INTS14: variants seen among roughly 807,000 people sequenced by gnomAD.
The protein encoded by INTS14 is integrator complex subunit 14, also known as UPF0464 protein C15orf44.
Under a neutral mutation model 56.9 loss-of-function variants are expected in INTS14, and 27 were observed. The ratio of observed to expected loss-of-function variants is 0.47; its 90% CI spans 0.35 to 0.65. The LOEUF (loss-of-function observed/expected upper bound fraction) is 0.65, where lower values mean the gene tolerates loss of function less well. Ranked by LOEUF, INTS14 falls within the 30% of genes least tolerant of loss-of-function variation. INTS14 has a pLI of 0.00. For synonymous variants in INTS14, 207 were observed against 236.2 expected, an observed-to-expected ratio of 0.88 and a Z score of 1.13; for missense variants, 517 against 632.2, an observed-to-expected ratio of 0.82 and a Z score of 1.95.
Position 65,579,424 on chromosome 15 carries a change from C to T in INTS14, c.1541G>A (p.Ser514Asn). The T allele has an allele frequency of 3.1e-6, 5 of 1,611,368 alleles. No homozygotes were observed. The highest frequency in any genetic ancestry group is 3.4e-6 in the Non-Finnish European group (4 of 1,177,690). The change falls in exon 12 of 12, where the codon AGC becomes AAC. Residue 514 changes from serine (S) to asparagine (N), a missense_variant. Coordinates refer to ENST00000313182, the MANE Select transcript of INTS14 (RefSeq NM_001394796.1). ...AAGTCAGTTTCAAATTCTTTCAGTG[C>T]TGCTCCCAGAGAAGTCCGTGTGCAA... The part of the protein sequence containing the change: ...TPLHTDFSGS[S>N]TERI
chr15:65,593,371 TCA>T, intron 8 of INTS14, 55 bp downstream of exon 8: 1 of 1,566,106 alleles, frequency 6.4e-7, no homozygotes, highest in South Asian at 1.2e-5. Flanking sequence ...GCAAAATACT[TCA>T]CTTTGTAAAA....
intron 11 of INTS14, among the ~76,000 whole-genome samples, chr15:65,581,255 C>T (rs1348580912): frequency 6.7e-6 from 1 of 149,966 alleles, no homozygotes; most frequent in African/African-American, 2.5e-5. Context: ...TGGCACACAC[C>T]TGTAATCCCA....
intron 1 of INTS14, 139 bp downstream of exon 1, chr15:65,610,959 C>T (rs2073911081): frequency 1.1e-5 from 17 of 1,480,530 alleles, no homozygotes; most frequent in Non-Finnish European, 1.5e-5. Context: ...ACTGGCGCCT[C>T]ACAGACAGCG....
At chr15:65,586,667 AAGAT>A (rs2072836289) in intron 9 of INTS14, 1 of 152,214 alleles carries the variant, frequency 6.6e-6, no homozygotes, top group Non-Finnish European at 1.5e-5. Flanking sequence ...AAATTTTAAA[AAGAT>A]AGTATAAACA....
intron 5 of INTS14, 162 bp downstream of exon 5, chr15:65,598,710 A>T: frequency 1.4e-6 from 1 of 716,822 alleles, no homozygotes; most frequent in Non-Finnish European, 2.3e-6. Context: ...GTATAGATTT[A>T]CTTTAAAAAA....
intron 1 of INTS14, chr15:65,610,549 G>T: frequency 1.1e-6 from 1 of 877,958 alleles, no homozygotes; most frequent in Non-Finnish European, 1.7e-6. Context: ...CACCTATTTG[G>T]CCTTGAATAC....
intron 11 of INTS14, among the ~76,000 whole-genome samples, chr15:65,580,005 T>C (rs1254696443): frequency 2.0e-5 from 3 of 152,192 alleles, no homozygotes; most frequent in East Asian, 1.9e-4. Context: ...TATTTAGGTA[T>C]GGAAAAGACT....
intron 11 of INTS14, among the ~76,000 whole-genome samples, chr15:65,580,573 C>T (rs1169363144): frequency 6.6e-6 from 1 of 152,114 alleles, no homozygotes; most frequent in African/African-American, 2.4e-5. Context: ...TTTTATTTCA[C>T]CAGCTTACTA....
In INTS14 at chr15:65,578,857, C is replaced by CTCTT. The variant is rs1468108224; in HGVS notation, c.*547_*550dup. The CTCTT allele has an allele frequency of 1.3e-5, 2 of 152,004 alleles. No individual in the cohort carries two copies. Among genetic ancestry groups the CTCTT allele is most frequent in the Non-Finnish European group, 2.9e-5 (2 of 68,022 alleles). The allele number at this position is 152,004 out of a possible 1,614,324, so 9.4% of individuals were successfully genotyped here. A position where few individuals can be genotyped will look rare whatever the true frequency, so the allele number is the denominator to read the frequency against. On this transcript the variant is annotated 3_prime_UTR_variant, in exon 12 of 12. Transcript: ENST00000313182. ...GAATCATTTTACACATTAATGGTTG[C>CTCTT]TCTTTAAAAGTTAGAATCTCAAGAG...
At chr15:65,608,441 C>A (rs1036691844) in intron 1 of INTS14, among the ~76,000 whole-genome samples, 1 of 143,576 alleles carries the variant, frequency 7.0e-6, no homozygotes, top group Non-Finnish European at 1.5e-5. Context: ...TCAAAATGTA[C>A]AAATGGAGTT....
intron 10 of INTS14, among the ~76,000 whole-genome samples, chr15:65,583,937 G>C (rs1007840927): frequency 6.6e-6 from 1 of 152,134 alleles, no homozygotes; most frequent in Non-Finnish European, 1.5e-5. Context: ...CTCAGAGACT[G>C]TGCAGTCAAC....
intron 3 of INTS14, among the ~76,000 whole-genome samples, chr15:65,600,670 C>A (rs557623433): frequency 1.7e-4 from 26 of 149,636 alleles, no homozygotes; most frequent in East Asian, 3.9e-4. Context: ...AAAAAAACAA[C>A]AAAAAAAGGC....
intron 10 of INTS14, 24 bp from the exon 11 acceptor site, chr15:65,582,043 C>A: frequency 6.9e-7 from 1 of 1,457,762 alleles, no homozygotes; most frequent in African/African-American, 1.4e-5. Flanking sequence ...AAAAAAAAAT[C>A]CAACATTAGA....
chr15:65,592,744 T>C (rs139478884), intron 8 of INTS14, among the ~76,000 whole-genome samples: 164 of 152,306 alleles, frequency 1.1e-3, no homozygotes, highest in African/African-American at 3.6e-3. Context: ...TTAGCATCTT[T>C]TTTTTTGTTT....
rs1566933958 is a variant in INTS14 at position 65,607,286 on chromosome 15, G to C, written c.95C>G (p.Ala32Gly). ...SEEYQRKHLA[A>G]HGLTMLFEHM... ...CTCAAACAGCATCGTTAAACCATGG[G>C]CTGCTAGGTGCTTACGCTGGTATTC... The change falls in exon 2 of 12, where the codon GCC (alanine) becomes GGC (glycine). Residue 32 changes from alanine to glycine, a missense_variant. Transcript: ENST00000313182. The C allele has an allele frequency of 6.2e-7, 1 of 1,614,080 alleles. No individual in the cohort carries two copies. Among genetic ancestry groups the C allele is most frequent in the Non-Finnish European group, 8.5e-7 (1 of 1,180,044 alleles).
chr15:65,598,486 T>G, intron 5 of INTS14, 23 bp from the exon 6 acceptor site: 1 of 1,607,916 alleles, frequency 6.2e-7, no homozygotes, highest in Non-Finnish European at 8.5e-7. Context: ...AATTAATAGT[T>G]ATAGGAAGAG....
At chr15:65,589,111 A>G (rs2072933435) in intron 9 of INTS14, among the ~76,000 whole-genome samples, 1 of 152,212 alleles carries the variant, frequency 6.6e-6, no homozygotes. Context: ...GAATGCTACT[A>G]CTATCTTAGA....
chr15:65,610,774 C>T (rs891979156), intron 1 of INTS14: 6 of 1,535,690 alleles, frequency 3.9e-6, no homozygotes, highest in Non-Finnish European at 4.4e-6. Context: ...CTGAAAATCA[C>T]ATCTGGGAGA....
chr15:65,609,178 C>A (rs1440866859), intron 1 of INTS14, among the ~76,000 whole-genome samples: 2 of 152,162 alleles, frequency 1.3e-5, no homozygotes, highest in Non-Finnish European at 2.9e-5. Context: ...TGGTCTCGAA[C>A]TTCTGACCTC....
Sources: gnomAD v4.1 joint callset for allele counts (sites outside exome capture counted in the v4.1 genomes callset) on GRCh38, gnomAD v4.1.1 for gene constraint, MANE v1.5 for transcripts, NCBI Gene and HGNC (gene_info 2026-07-23, HGNC 2026-07-21) for gene names.